CBLL1: variants seen among roughly 807,000 people sequenced by gnomAD.
CBLL1 encodes the protein E3 ubiquitin-protein ligase Hakai.
Under a neutral mutation model 44.9 loss-of-function variants are expected in CBLL1, and 4 were observed. The observed-to-expected ratio is 0.09, with a 90% confidence interval of 0.04 to 0.20. The LOEUF (loss-of-function observed/expected upper bound fraction) is 0.20. Ranked by LOEUF, CBLL1 falls within the 10% of genes least tolerant of loss-of-function variation. CBLL1 has a pLI of 1.00. For missense variants in CBLL1, 569 were observed against 636.7 expected, an observed-to-expected ratio of 0.89 and a Z score of 1.14; for synonymous variants, 235 against 202.2, an observed-to-expected ratio of 1.16 and a Z score of -1.38.
At chr7:107,752,464 GTC>G (rs1554371734) in intron 2 of CBLL1, 11 of 520,958 alleles carry the variant, frequency 2.1e-5, no homozygotes, top group African/African-American at 6.2e-5. Context: ...GTGTGTGTGT[GTC>G]TGTGTCTGTG....
chr7:107,755,822 G>T lies in CBLL1; in HGVS notation c.440+331G>T, dbSNP rs114617110. ...AAGACTCCAGAATTAGAATTCCTGG[G>T]TTCGAATCCTTGTTCTGCTATTTAT... On this transcript the variant is annotated intron_variant, in intron 5 of 5. Coordinates refer to ENST00000440859, the MANE Select transcript of CBLL1 (RefSeq NM_024814.4). Among the ~76,000 whole-genome samples the T allele has an allele frequency of 5.5e-3, 833 of 152,150 alleles. 4 individuals are homozygous for T. Among genetic ancestry groups the T allele is most frequent in the African/African-American group, 0.019 (798 of 41,512 alleles).
intron 1 of CBLL1, among the ~76,000 whole-genome samples, 178 bp from the exon 2 acceptor site, chr7:107,748,697 AGCATT>A (rs1793124194): frequency 6.6e-6 from 1 of 152,242 alleles, no homozygotes; most frequent in African/African-American, 2.4e-5. Context: ...GGGGTTAAAA[AGCATT>A]GCCTTAAGTG....
At chr7:107,744,462 G>A (rs750257284) in intron 1 of CBLL1, 1 of 414,802 alleles carries the variant, frequency 2.4e-6, no homozygotes, top group Non-Finnish European at 4.3e-6. Flanking sequence ...CGGGAAGGGA[G>A]AGCCCCGGCT....
intron 1 of CBLL1, among the ~76,000 whole-genome samples, chr7:107,745,252 T>C (rs980008173): frequency 4.6e-5 from 7 of 152,156 alleles, no homozygotes; most frequent in Admixed American, 2.0e-4. Flanking sequence ...AAACGAGTGC[T>C]GTGGAGAGAT....
At chr7:107,749,118 C>A in intron 2 of CBLL1, 71 bp downstream of exon 2, 1 of 1,349,956 alleles carries the variant, frequency 7.4e-7, no homozygotes, top group Non-Finnish European at 1.0e-6. Context: ...TCTGTGTGAT[C>A]TTATAGCTAC....
rs1406483457 is a variant in CBLL1, at chr7:107,758,957, C to G, written c.1255C>G (p.Pro419Ala). The G allele has an allele frequency of 6.2e-7, 1 of 1,613,590 alleles. No homozygotes were observed. The highest frequency in any genetic ancestry group is 1.1e-5 in the South Asian group (1 of 91,034). The change falls in exon 6 of 6, where the codon CCC (proline) becomes GCC (alanine). Residue 419 changes from proline to alanine, a missense_variant. Around this residue, in one of 5 missense-constraint regions of CBLL1, gnomAD observed 228 missense variants for 253.2 expected, o/e 0.90. Transcript: ENST00000440859. The surrounding 1 kb of genome is among the most constrained non-coding windows in gnomAD (Gnocchi z 4.2). The part of the protein sequence containing the change: ...PQHGGPPVTA[P>A]PPHHYNPNSL... ...ACATGGTGGTCCACCTGTAACTGCACCCCCTCCTCACCATTATAATCCTAA... is the reference window on the plus strand; with the variant it reads ...ACATGGTGGTCCACCTGTAACTGCAGCCCCTCCTCACCATTATAATCCTAA...
At chr7:107,752,825 A>G (rs1401674862) in intron 2 of CBLL1, among the ~76,000 whole-genome samples, 4 of 152,198 alleles carry the variant, frequency 2.6e-5, no homozygotes, top group Admixed American at 6.5e-5. Flanking sequence ...TTGTTTGGGT[A>G]ATTAATCAGG....
chr7:107,758,250 A>G lies in CBLL1; in HGVS notation c.548A>G (p.Gln183Arg). The G allele has an allele frequency of 1.2e-6, 2 of 1,614,152 alleles. No individual in the cohort carries two copies. The highest frequency in any genetic ancestry group is 1.7e-6 in the Non-Finnish European group (2 of 1,180,006). ...KRTYLSQRDL[Q>R]AHINHRHMRA... ...ACATATTTGTCTCAGAGAGACTTAC[A>G]GGCTCATATCAACCATCGCCATATG... The change falls in exon 6 of 6, where the codon CAG (glutamine) becomes CGG (arginine). Residue 183 changes from glutamine to arginine, a missense_variant. This residue lies in a region of CBLL1 where 16 missense variants were observed against 40.2 expected (regional missense o/e 0.40). Transcript: ENST00000440859. The surrounding 1 kb of genome is among the most constrained non-coding windows in gnomAD (Gnocchi z 4.2).
chr7:107,755,785 A>AAT (rs1793503261), intron 5 of CBLL1, among the ~76,000 whole-genome samples: 2 of 152,300 alleles, frequency 1.3e-5, no homozygotes, highest in South Asian at 4.2e-4. Context: ...GTATTAAGAT[A>AAT]TATTGAGAGC....
Position 107,758,084 on chromosome 7 carries a change from A to G in CBLL1, c.441-59A>G, listed in dbSNP as rs1027665644. Reference sequence around the variant, plus strand: ...TTTAAAAACAAGCATATTTTTGAAAATTACATAATTTTTTGTATTCTCTTT... The same window carrying G: ...TTTAAAAACAAGCATATTTTTGAAAGTTACATAATTTTTTGTATTCTCTTT... On this transcript the variant is annotated intron_variant, in intron 5 of 5. Coordinates refer to ENST00000440859, the MANE Select transcript of CBLL1 (RefSeq NM_024814.4). The surrounding 1 kb of genome is among the most constrained non-coding windows in gnomAD (Gnocchi z 4.2). 1.2e-5 allele frequency: 17 copies of G among 1,457,360 alleles called. No homozygotes were observed. Among genetic ancestry groups the G allele is most frequent in the Non-Finnish European group, 9.2e-7 (1 of 1,085,472 alleles). 90.3% of individuals were successfully genotyped at this position (1,457,360 alleles called of 1,614,324 possible). A position where few individuals can be genotyped will look rare whatever the true frequency, so the allele number is the denominator to read the frequency against.
At chr7:107,747,878 A>G (rs774912670) in intron 1 of CBLL1, among the ~76,000 whole-genome samples, 15 of 152,172 alleles carry the variant, frequency 9.9e-5, no homozygotes, top group Non-Finnish European at 2.2e-4. Flanking sequence ...TGACTGTAAT[A>G]TTTCCTGCAG....
At chr7:107,748,507 CCTT>C (rs36070794) in intron 1 of CBLL1, among the ~76,000 whole-genome samples, 33,841 of 151,914 alleles carry the variant, frequency 0.22, 4,554 homozygotes, top group South Asian at 0.44. Context: ...TTCTTTTTCT[CCTT>C]CTTACTCTTT....
chr7:107,751,351 C>T (rs184222683), intron 2 of CBLL1, among the ~76,000 whole-genome samples: 2 of 152,288 alleles, frequency 1.3e-5, no homozygotes, highest in Non-Finnish European at 2.9e-5. Flanking sequence ...TGGCCGCATT[C>T]CTAACAGGCC....
chr7:107,757,720 A>G (rs1335810835), intron 5 of CBLL1, among the ~76,000 whole-genome samples: 4 of 152,204 alleles, frequency 2.6e-5, no homozygotes, highest in African/African-American at 9.6e-5. Flanking sequence ...TTTTCCACTT[A>G]GTATTATTTG....
At position 107,759,332 on chromosome 7, in the gene CBLL1, C is replaced by A; in HGVS notation, c.*154C>A. 1 of 665,516 alleles carries A rather than the reference C, an allele frequency of 1.5e-6. No individual in the cohort carries two copies. The allele number at this position is 665,516 out of a possible 1,614,324, so 41.2% of individuals were successfully genotyped here. A position where few individuals can be genotyped will look rare whatever the true frequency, so the allele number is the denominator to read the frequency against. Reference sequence around the variant, plus strand: ...TTCTTAAAATGGTTTTAAATCTTGACCTTAAGATTGATTTCAAGTACCATA... The same window carrying A: ...TTCTTAAAATGGTTTTAAATCTTGAACTTAAGATTGATTTCAAGTACCATA... On this transcript the variant is annotated 3_prime_UTR_variant, in exon 6 of 6. Coordinates refer to ENST00000440859, the MANE Select transcript of CBLL1 (RefSeq NM_024814.4).
chr7:107,752,198 CAAAAAA>C (rs796995157), intron 2 of CBLL1, among the ~76,000 whole-genome samples: 2,266 of 56,240 alleles, frequency 0.04, 66 homozygotes, highest in African/African-American at 0.12. Context: ...GACTCTGTCT[CAAAAAA>C]AAAAAAAAAA....
rs763724996 is a variant in CBLL1, at chr7:107,748,937, G to A, written c.71G>A (p.Arg24Lys). ...TCCTTGGGTGGTCTTGATGTTCGCA[G>A]ACGAATTCCTATAAAGCTCATCTCC... ...SGSLGGLDVRRRIPIKLISKQ... is the reference protein window; with the variant it reads ...SGSLGGLDVRKRIPIKLISKQ... The change falls in exon 2 of 6, where the codon AGA becomes AAA. Residue 24 changes from arginine (R) to lysine (K), a missense_variant. Arg to Lys is a conservative substitution (Grantham distance 26). Transcript: ENST00000440859. 10 of 1,613,954 alleles carry A rather than the reference G, an allele frequency of 6.2e-6. No individual in the cohort carries two copies. The highest frequency in any genetic ancestry group is 8.5e-6 in the Non-Finnish European group (10 of 1,179,960).
chr7:107,749,942 T>A (rs1793209054), intron 2 of CBLL1, among the ~76,000 whole-genome samples: 2 of 150,514 alleles, frequency 1.3e-5, no homozygotes, highest in African/African-American at 4.9e-5. Flanking sequence ...ATATATTTTT[T>A]TGTTTGTTTG....
chr7:107,749,303 A>G (rs1793163820), intron 2 of CBLL1: 1 of 260,464 alleles, frequency 3.8e-6, no homozygotes, highest in East Asian at 6.7e-5. Context: ...AAAGCATAAC[A>G]TTAAAAGTAA....
Sources: gnomAD v4.1 joint callset for allele counts (sites outside exome capture counted in the v4.1 genomes callset) on GRCh38, gnomAD v4.1.1 for gene constraint, gnomAD v4.1.1 regional missense constraint, Gnocchi (gnomAD v3.1) non-coding constraint, MANE v1.5 for transcripts, NCBI Gene and HGNC (gene_info 2026-07-23, HGNC 2026-07-21) for gene names.